Variants in USH2A observed in about 807,000 individuals in gnomAD.
USH2A encodes the protein usherin, also known as Usher syndrome 2A (autosomal recessive, mild).
Under a neutral mutation model 538.9 loss-of-function variants are expected in USH2A, and 443 were observed. The ratio of observed to expected loss-of-function variants is 0.82; its 90% CI spans 0.76 to 0.89. The LOEUF (loss-of-function observed/expected upper bound fraction) is 0.89. USH2A is among the 40% of genes least tolerant of loss of function. The pLI, the probability that USH2A is intolerant of heterozygous loss-of-function variation, is 0.00. For missense variants in USH2A, 6,633 were observed against 6,324.8 expected (o/e 1.05, Z -1.65); for synonymous variants, 2,413 against 2,273.5 (o/e 1.06, Z -1.75).
chr1:215,728,487 C>A, intron 60 of USH2A, 103 bp from the exon 61 acceptor site: 1 of 1,169,724 alleles, frequency 8.5e-7, no homozygotes, highest in Non-Finnish European at 1.2e-6. Flanking sequence ...ATCAACTTAA[C>A]TTTTCAGCTG....
chr1:215,774,060 TC>T (rs932923756), intron 55 of USH2A, among the ~76,000 whole-genome samples: 1 of 151,862 alleles, frequency 6.6e-6, no homozygotes. Flanking sequence ...GCCAATTTCC[TC>T]CCCCCCATTG....
chr1:215,893,677 CT>C (rs1176989282), intron 40 of USH2A, among the ~76,000 whole-genome samples: 2 of 152,060 alleles, frequency 1.3e-5, no homozygotes. Flanking sequence ...TTACTTTCAC[CT>C]GCAGTCTTCA....
Position 216,089,817 on chromosome 1 carries a change from T to TAA in USH2A, c.4759-680_4759-679dup, listed in dbSNP as rs576421594. On this transcript the variant is annotated intron_variant, in intron 22 of 71. Transcript: ENST00000307340. ...GAGTTTAGCAAATAGGAGGTAAGAATAAAAAAAAAAACTGAGAAAGAGAAA... is the reference window on the plus strand; with the variant it reads ...GAGTTTAGCAAATAGGAGGTAAGAATAAAAAAAAAAAAACTGAGAAAGAGAAA... Among the ~76,000 whole-genome samples, 882 of 142,824 alleles carry TAA rather than the reference T, an allele frequency of 6.2e-3. 12 individuals carry two copies. Among genetic ancestry groups the TAA allele is most frequent in the African/African-American group, 0.021 (844 of 39,430 alleles). 93.7% of individuals were successfully genotyped at this position (142,824 alleles called of 152,430 possible).
At chr1:215,989,274 A>G (rs1667950247) in intron 35 of USH2A, among the ~76,000 whole-genome samples, 1 of 152,174 alleles carries the variant, frequency 6.6e-6, no homozygotes, top group Admixed American at 6.5e-5. Context: ...AAACCAGGCA[A>G]GTAATACCTG....
chr1:216,210,694 T>C (rs2035220997), intron 15 of USH2A, among the ~76,000 whole-genome samples: 1 of 152,164 alleles, frequency 6.6e-6, no homozygotes, highest in South Asian at 2.1e-4. Flanking sequence ...ATTGTGGTAG[T>C]CTGCCACATC....
intron 30 of USH2A, among the ~76,000 whole-genome samples, chr1:216,066,266 C>A (rs891837229): frequency 1.3e-5 from 2 of 151,880 alleles, no homozygotes; most frequent in African/African-American, 4.8e-5. Context: ...GTCAGGAAAT[C>A]GAGACCATCC....
intron 21 of USH2A, among the ~76,000 whole-genome samples, chr1:216,148,093 A>G (rs188119821): frequency 6.6e-6 from 1 of 151,830 alleles, no homozygotes; most frequent in Non-Finnish European, 1.5e-5. Context: ...TCACAATGGA[A>G]GGTAAGCCCG....
chr1:216,135,766 A>G (rs2033474156), intron 21 of USH2A, among the ~76,000 whole-genome samples: 1 of 152,120 alleles, frequency 6.6e-6, no homozygotes, highest in Non-Finnish European at 1.5e-5. Context: ...GTGCATCTTA[A>G]TATGTTAAGC....
intron 11 of USH2A, among the ~76,000 whole-genome samples, chr1:216,258,744 A>T (rs1179505265): frequency 6.6e-6 from 1 of 152,096 alleles, no homozygotes; most frequent in Non-Finnish European, 1.5e-5. Flanking sequence ...GCAAACAATT[A>T]TTTAATACAT....
At position 215,667,622 on chromosome 1, in the gene USH2A, C is replaced by T. The variant is rs553792947; in HGVS notation, c.14133+3350G>A. Among the ~76,000 whole-genome samples the T allele has an allele frequency of 4.6e-5, 7 of 151,600 alleles. No homozygotes were observed. The South Asian group carries it at 6.3e-4, about 14-fold the overall frequency. ...GCTGAGGCAGAGAATTGCTTAAACC[C>T]GGGAGGCGGAGGTTACAGTGAGCCA... On this transcript the variant is annotated intron_variant, in intron 64 of 71. Coordinates refer to ENST00000307340, the MANE Select transcript of USH2A (RefSeq NM_206933.4).
intron 37 of USH2A, among the ~76,000 whole-genome samples, chr1:215,955,447 C>T (rs191201619): frequency 1.6e-4 from 25 of 152,260 alleles, no homozygotes; most frequent in African/African-American, 6.0e-4. Flanking sequence ...TAGTTTCTGT[C>T]TTGTTCCATA....
rs565258117 is a variant in USH2A, at chr1:215,826,835, G to A, written c.9372-9640C>T. ...TTAAACGATGAAAACATGAACCAGG[G>A]TGGTAGTGGTGGAAATGGAGAAGAG... On this transcript the variant is annotated intron_variant, in intron 47 of 71. Coordinates refer to ENST00000307340, the MANE Select transcript of USH2A (RefSeq NM_206933.4). Among the ~76,000 whole-genome samples the A allele has an allele frequency of 7.2e-5, 11 of 152,252 alleles. No homozygotes were observed. The South Asian group carries it at 2.1e-3, about 29-fold the overall frequency.
chr1:216,246,434 A>G, intron 13 of USH2A, 151 bp downstream of exon 13: 1 of 922,192 alleles, frequency 1.1e-6, no homozygotes, highest in Non-Finnish European at 1.6e-6. Context: ...TAAGTTAAAT[A>G]GTTATATATG....
intron 38 of USH2A, among the ~76,000 whole-genome samples, chr1:215,924,519 A>G (rs950948995): frequency 6.6e-6 from 1 of 152,124 alleles, no homozygotes; most frequent in Non-Finnish European, 1.5e-5. Flanking sequence ...TTTTAAAGAA[A>G]TAAAGCAAAA....
At chr1:215,974,195 C>T (rs1667565755) in intron 35 of USH2A, among the ~76,000 whole-genome samples, 1 of 152,126 alleles carries the variant, frequency 6.6e-6, no homozygotes, top group Admixed American at 6.6e-5. Context: ...TCTAAAACAC[C>T]TATTAACATG....
At chr1:215,857,226 C>T (rs1248451689) in intron 44 of USH2A, among the ~76,000 whole-genome samples, 2 of 152,154 alleles carry the variant, frequency 1.3e-5, no homozygotes, top group African/African-American at 2.4e-5. Flanking sequence ...GGAAGAGATA[C>T]AGCTATAGCT....
At chr1:215,891,275 T>C (rs914573138) in intron 40 of USH2A, among the ~76,000 whole-genome samples, 3 of 152,204 alleles carry the variant, frequency 2.0e-5, no homozygotes, top group Non-Finnish European at 4.4e-5. Context: ...TTTTATTAGC[T>C]TCCTGCTCTG....
chr1:215,625,953 GT>G, intron 71 of USH2A, 83 bp from the exon 72 acceptor site: 1 of 1,363,068 alleles, frequency 7.3e-7, no homozygotes, highest in Non-Finnish European at 1.0e-6. Context: ...TCAATTAAGT[GT>G]AAAAAGTAAT....
chr1:216,167,823 C>A (rs917777874), intron 21 of USH2A, among the ~76,000 whole-genome samples: 14 of 152,068 alleles, frequency 9.2e-5, no homozygotes, highest in African/African-American at 3.4e-4. Context: ...CAAATTCTTT[C>A]TTCTGAGAAT....
Sources: gnomAD v4.1 joint callset for allele counts (sites outside exome capture counted in the v4.1 genomes callset) on GRCh38, gnomAD v4.1.1 for gene constraint, MANE v1.5 for transcripts, NCBI Gene and HGNC (gene_info 2026-07-23, HGNC 2026-07-21) for gene names.